FNIP1: variants seen among roughly 807,000 people sequenced by gnomAD.
FNIP1 encodes the protein folliculin-interacting protein 1.
A neutral mutation model predicts 124.5 loss-of-function variants in FNIP1; 40 were observed. The ratio of observed to expected loss-of-function variants is 0.32; its 90% CI spans 0.25 to 0.42. The LOEUF (loss-of-function observed/expected upper bound fraction) is 0.42, where lower values mean the gene tolerates loss of function less well. FNIP1 is among the 10% of genes least tolerant of loss of function. The probability of loss-of-function intolerance (pLI) is 1.00; values close to 1 mark genes in which losing one functional copy is unlikely to be tolerated. For synonymous variants in FNIP1, 472 were observed against 470.6 expected, an observed-to-expected ratio of 1.00 and a Z score of -0.04; for missense variants, 1,176 against 1,403.7, an observed-to-expected ratio of 0.84 and a Z score of 2.59.
At chr5:131,744,714 T>C (rs932899537) in intron 1 of FNIP1, 24 bp from the exon 2 acceptor site, 1 of 1,595,150 alleles carries the variant, frequency 6.3e-7, no homozygotes, top group Non-Finnish European at 8.5e-7. Context: ...TAAGGAAAAG[T>C]AAAGATCCAT....
chr5:131,683,639 T>C (rs1491001095), intron 11 of FNIP1, among the ~76,000 whole-genome samples: 4 of 152,080 alleles, frequency 2.6e-5, no homozygotes, highest in Admixed American at 2.6e-4. Flanking sequence ...TTATACCGCA[T>C]TGGTTTTTTA....
At chr5:131,786,030 C>G (rs1204257335) in intron 1 of FNIP1, among the ~76,000 whole-genome samples, 2 of 152,046 alleles carry the variant, frequency 1.3e-5, no homozygotes, top group Non-Finnish European at 2.9e-5. Context: ...TGAGGCCACC[C>G]TTGCAATGTT....
chr5:131,771,783 T>C (rs1472836822), intron 1 of FNIP1, among the ~76,000 whole-genome samples: 1 of 152,158 alleles, frequency 6.6e-6, no homozygotes, highest in African/African-American at 2.4e-5. Flanking sequence ...TATTTATCTT[T>C]AAAAAGTTTT....
At chr5:131,749,987 T>G (rs1019113209) in intron 1 of FNIP1, among the ~76,000 whole-genome samples, 1 of 152,130 alleles carries the variant, frequency 6.6e-6, no homozygotes, top group Non-Finnish European at 1.5e-5. Context: ...GAGTGTATGT[T>G]GAATAGAAAA....
chr5:131,718,903 T>C, intron 5 of FNIP1, 83 bp downstream of exon 5: 1 of 1,110,402 alleles, frequency 9.0e-7, no homozygotes, highest in Non-Finnish European at 1.3e-6. Flanking sequence ...GAACTTGTGC[T>C]GCAGTCCTAA....
At chr5:131,680,540 A>G (rs1047036572) in intron 11 of FNIP1, among the ~76,000 whole-genome samples, 2 of 152,224 alleles carry the variant, frequency 1.3e-5, no homozygotes, top group African/African-American at 4.8e-5. Flanking sequence ...TTGAAGACAA[A>G]TGTTTATCCT....
intron 11 of FNIP1, among the ~76,000 whole-genome samples, chr5:131,680,602 G>C (rs922329235): frequency 5.3e-5 from 8 of 152,056 alleles, no homozygotes; most frequent in African/African-American, 1.9e-4. Flanking sequence ...TTTGAAAACA[G>C]ATAAACTAGT....
At chr5:131,667,256 A>G (rs993475655) in intron 15 of FNIP1, among the ~76,000 whole-genome samples, 2 of 152,186 alleles carry the variant, frequency 1.3e-5, no homozygotes, top group Non-Finnish European at 2.9e-5. Flanking sequence ...TTTTTCATAC[A>G]TATATCCCTT....
intron 1 of FNIP1, among the ~76,000 whole-genome samples, chr5:131,748,005 A>T (rs938315197): frequency 6.6e-6 from 1 of 152,034 alleles, no homozygotes; most frequent in African/African-American, 2.4e-5. Flanking sequence ...GGGTGCAGAA[A>T]GATTTGTAGA....
intron 3 of FNIP1, among the ~76,000 whole-genome samples, chr5:131,729,012 G>A (rs1214368779): frequency 6.6e-6 from 1 of 152,130 alleles, no homozygotes; most frequent in Non-Finnish European, 1.5e-5. Flanking sequence ...CACCACTGGA[G>A]GCTGCAGAAC....
intron 1 of FNIP1, among the ~76,000 whole-genome samples, chr5:131,760,033 A>G (rs1771173070): frequency 6.6e-6 from 1 of 152,224 alleles, no homozygotes; most frequent in African/African-American, 2.4e-5. Context: ...TGGGAGCTAA[A>G]CATTGAGCAT....
chr5:131,663,192 C>T (rs1443464757), intron 15 of FNIP1, among the ~76,000 whole-genome samples: 1 of 152,180 alleles, frequency 6.6e-6, no homozygotes, highest in Non-Finnish European at 1.5e-5. Flanking sequence ...AGTTTGTCCT[C>T]ACTGAAATCT....
At chr5:131,729,819 C>A (rs1308551705) in intron 3 of FNIP1, among the ~76,000 whole-genome samples, 1 of 152,046 alleles carries the variant, frequency 6.6e-6, no homozygotes, top group Non-Finnish European at 1.5e-5. Context: ...AATCTTGGGT[C>A]ACCACAACAT....
At chr5:131,716,949 C>A (rs1471470400) in intron 5 of FNIP1, among the ~76,000 whole-genome samples, 1 of 151,672 alleles carries the variant, frequency 6.6e-6, no homozygotes, top group Non-Finnish European at 1.5e-5. Flanking sequence ...GAAACTACAA[C>A]CCATTGTCTG....
chr5:131,694,505 C>T (rs1045257273), intron 11 of FNIP1, among the ~76,000 whole-genome samples: 1 of 152,048 alleles, frequency 6.6e-6, no homozygotes, highest in Non-Finnish European at 1.5e-5. Flanking sequence ...GTCCACATAG[C>T]ATATGATTTC....
chr5:131,669,621 C>CA (rs1767692634), intron 15 of FNIP1, among the ~76,000 whole-genome samples: 1 of 151,902 alleles, frequency 6.6e-6, no homozygotes, highest in Non-Finnish European at 1.5e-5. Context: ...AAGCATATGA[C>CA]AAAATCCCAC....
chr5:131,751,377 A>G (rs1770867245), intron 1 of FNIP1, among the ~76,000 whole-genome samples: 1 of 152,094 alleles, frequency 6.6e-6, no homozygotes, highest in South Asian at 2.1e-4. Context: ...TAGTATCTTC[A>G]TCAGATTGTC....
intron 15 of FNIP1, among the ~76,000 whole-genome samples, chr5:131,669,354 A>G (rs1485056406): frequency 6.6e-6 from 1 of 152,172 alleles, no homozygotes; most frequent in Non-Finnish European, 1.5e-5. Flanking sequence ...CTGATATCAG[A>G]GCTAGACAAA....
Position 131,652,965 on chromosome 5 carries a change from A to G in FNIP1, c.3109-966T>C, listed in dbSNP as rs180976749. On this transcript the variant is annotated intron_variant, in intron 15 of 17. Transcript: ENST00000510461. ...GGTCAAAGAGTAAGACCCTGTCTTA[A>G]AAAAAACACAAACAACAACAACAAC... Among the ~76,000 whole-genome samples the G allele has an allele frequency of 4.7e-3, 717 of 152,208 alleles. 9 individuals carry two copies. The highest frequency in any genetic ancestry group is 0.016 in the African/African-American group (681 of 41,520).
Sources: gnomAD v4.1 joint callset for allele counts (sites outside exome capture counted in the v4.1 genomes callset) on GRCh38, gnomAD v4.1.1 for gene constraint, MANE v1.5 for transcripts, NCBI Gene and HGNC (gene_info 2026-07-23, HGNC 2026-07-21) for gene names.